The following ARNT variants were observed in gnomAD, a reference collection of about 807,000 sequenced individuals.
ARNT encodes the protein aryl hydrocarbon receptor nuclear translocator.
A neutral mutation model predicts 105.0 loss-of-function variants in ARNT; 30 were observed. The observed-to-expected ratio is 0.29, with a 90% CI of 0.21 to 0.39. The LOEUF is 0.39. ARNT is among the 10% of genes least tolerant of loss of function. The pLI is 1.00. For missense variants in ARNT, 748 were observed against 978.7 expected (o/e 0.76, Z 3.15); for synonymous variants, 304 against 344.0 (o/e 0.88, Z 1.29).
intron 3 of ARNT, among the ~76,000 whole-genome samples, chr1:150,847,747 G>C (rs587632900): frequency 1.3e-5 from 2 of 152,272 alleles, no homozygotes; most frequent in Non-Finnish European, 2.9e-5. Context: ...CAATAAAGCT[G>C]TTTGAAAAAG....
chr1:150,854,515 T>C (rs145720857), intron 2 of ARNT, among the ~76,000 whole-genome samples: 3,841 of 151,964 alleles, frequency 0.025, 71 homozygotes, highest in Non-Finnish European at 0.039. Flanking sequence ...TGAGCTGAGA[T>C]TGGGCCACTG....
intron 1 of ARNT, among the ~76,000 whole-genome samples, chr1:150,865,985 T>G (rs915630753): frequency 2.0e-5 from 3 of 151,280 alleles, no homozygotes; most frequent in East Asian, 3.9e-4. Flanking sequence ...CTCCAAAGTT[T>G]TTTTTTTTTT....
In ARNT at chr1:150,858,607, C is replaced by T. The variant is rs1055395465; in HGVS notation, c.26-147G>A. On this transcript the variant is annotated intron_variant, in intron 1 of 21. Transcript: ENST00000358595. ...ATCCCAAATGCTCATATCCAGATTG[C>T]TCTTCTTGATTTTTTTTTTTTTTTT... The T allele has an allele frequency of 4.2e-5, 26 of 618,474 alleles. No homozygotes were observed. In the Admixed American group the frequency reaches 5.2e-4, roughly 12 times the overall value. 38.3% of individuals were successfully genotyped at this position (618,474 alleles called of 1,614,324 possible).
At position 150,809,930 on chromosome 1, in the gene ARNT, G is replaced by A. The variant is rs1654428380; in HGVS notation, c.*2091C>T. ...AAGTGAGGGGGGAGGCGTGCAATGT[G>A]ATCAGAACCCTATGATTTCTGATTC... On this transcript the variant is annotated 3_prime_UTR_variant, in exon 22 of 22. Transcript: ENST00000358595. The A allele has an allele frequency of 4.4e-6, 1 of 224,840 alleles. No homozygotes were observed. The highest frequency in any genetic ancestry group is 2.2e-5 in the African/African-American group (1 of 44,924). The allele number at this position is 224,840 out of a possible 1,614,324, so 13.9% of individuals were successfully genotyped here.
intron 3 of ARNT, among the ~76,000 whole-genome samples, chr1:150,846,712 T>G (rs1251559300): frequency 6.6e-6 from 1 of 152,154 alleles, no homozygotes; most frequent in Admixed American, 6.5e-5. Context: ...GCAACAGATA[T>G]CTAGAACTTT....
chr1:150,872,113 T>C (rs1343212504), intron 1 of ARNT, among the ~76,000 whole-genome samples: 1 of 151,912 alleles, frequency 6.6e-6, no homozygotes, highest in Non-Finnish European at 1.5e-5. Flanking sequence ...TGCACCACAG[T>C]GCCCGGAAAA....
chr1:150,856,157 T>C (rs1664564507), intron 2 of ARNT, among the ~76,000 whole-genome samples: 1 of 152,230 alleles, frequency 6.6e-6, no homozygotes, highest in Admixed American at 6.5e-5. Flanking sequence ...AAAAGAAATA[T>C]GGGCCGGGTG....
rs769156132 is a variant in ARNT at position 150,818,009 on chromosome 1, C to T, written c.1416G>A (p.Arg472=). The T allele has an allele frequency of 2.5e-5, 40 of 1,609,970 alleles. No individual in the cohort carries two copies. The highest frequency in any genetic ancestry group is 3.1e-5 in the Non-Finnish European group (36 of 1,179,166). ...TNVKNSSQEP[R]PTLSNTIQRP... ...TCTGGATTGTGTTGGAGAGTGTAGGCCGTGGTTCTTGGCTAGAGTTCCTAG... is the reference window on the plus strand; with the variant it reads ...TCTGGATTGTGTTGGAGAGTGTAGGTCGTGGTTCTTGGCTAGAGTTCCTAG... The change falls in exon 15 of 22, where the codon CGG becomes CGA. Residue 472 remains arginine, a synonymous_variant. Transcript: ENST00000358595.
chr1:150,825,699 A>G (rs1225217830), intron 13 of ARNT, among the ~76,000 whole-genome samples: 1 of 152,028 alleles, frequency 6.6e-6, no homozygotes, highest in Non-Finnish European at 1.5e-5. Flanking sequence ...AAATACAAAA[A>G]TTAGCTGGGC....
In ARNT at chr1:150,817,437, T is replaced by C. The variant is rs200765529; in HGVS notation, c.1506-4A>G. ...TTCTGTTTGCTGTTGCTGCTGCCTA[T>C]ATGTCAAAGGCCAGTTGACAAGACA... On this transcript the variant is annotated splice_region_variant and splice_polypyrimidine_tract_variant and intron_variant, in intron 15 of 21. Coordinates refer to ENST00000358595, the MANE Select transcript of ARNT (RefSeq NM_001668.4). The C allele has an allele frequency of 6.4e-5, 104 of 1,614,064 alleles. No individual in the cohort carries two copies. The Admixed American group carries it at 1.7e-3, about 27-fold the overall frequency.
intron 3 of ARNT, among the ~76,000 whole-genome samples, chr1:150,849,825 G>T (rs1662981706): frequency 6.6e-6 from 1 of 152,158 alleles, no homozygotes; most frequent in African/African-American, 2.4e-5. Context: ...AGCCCTTTGG[G>T]AAGCTGAGGC....
chr1:150,852,296 A>C (rs1571408099), intron 3 of ARNT, among the ~76,000 whole-genome samples: 1 of 152,164 alleles, frequency 6.6e-6, no homozygotes, highest in Non-Finnish European at 1.5e-5. Flanking sequence ...GCACACTGGG[A>C]TTTGTGCTGT....
At chr1:150,824,289 G>C (rs1013621928) in intron 13 of ARNT, among the ~76,000 whole-genome samples, 2 of 151,744 alleles carry the variant, frequency 1.3e-5, no homozygotes, top group Admixed American at 6.6e-5. Context: ...GGAAGGAAAA[G>C]ACTGTTTCCC....
chr1:150,812,199 TCCCTGAC>T (rs1654872463), intron 21 of ARNT, 89 bp from the exon 22 acceptor site: 2 of 939,164 alleles, frequency 2.1e-6, no homozygotes, highest in South Asian at 5.5e-5. Context: ...TGCACTACCA[TCCCTGAC>T]CCCGAGTCTT....
In ARNT at chr1:150,826,530, G is replaced by A. The variant is rs1451402933; in HGVS notation, c.1242+13C>T. 2 of 1,603,986 alleles carry A rather than the reference G, an allele frequency of 1.2e-6. No homozygotes were observed. The highest frequency in any genetic ancestry group is 8.5e-7 in the Non-Finnish European group (1 of 1,172,110). On this transcript the variant is annotated intron_variant, in intron 13 of 21. Coordinates refer to ENST00000358595, the MANE Select transcript of ARNT (RefSeq NM_001668.4). ...CAAATATTTATTCAGAACCAAACCA[G>A]GAAAAAAGTTACCTGTTGGAAGCTG...
rs1655311896 is a variant in ARNT at position 150,814,064 on chromosome 1, G to A, written c.2113+13C>T. The stretch of plus-strand genomic sequence containing the variant: ...GCGATTTTCCTGTTACTCTCCTTAT[G>A]GTCTGGACTCACCAAAGTTAGATCC... On this transcript the variant is annotated intron_variant, in intron 20 of 21. Transcript: ENST00000358595. 1.2e-6 allele frequency: 2 copies of A among 1,613,742 alleles called. No homozygotes were observed. The highest frequency in any genetic ancestry group is 1.7e-6 in the Non-Finnish European group (2 of 1,179,898).
intron 14 of ARNT, chr1:150,818,353 A>G (rs7518546): frequency 0.99 from 197,579 of 199,770 alleles, 97,746 homozygotes; most frequent in East Asian, 1. Context: ...ATGAAAGTAC[A>G]TACACTGTAC....
chr1:150,818,239 G>C (rs1008065889), intron 14 of ARNT: 4 of 469,608 alleles, frequency 8.5e-6, no homozygotes, highest in Non-Finnish European at 1.5e-5. Context: ...TGACACAGGG[G>C]TCATCTTGTT....
rs754574747 is a variant in ARNT at position 150,817,071 on chromosome 1, A to G, written c.1699+11T>C. The G allele has an allele frequency of 1.2e-6, 2 of 1,614,066 alleles. No homozygotes were observed. The highest frequency in any genetic ancestry group is 2.2e-5 in the South Asian group (2 of 91,064). The stretch of plus-strand genomic sequence containing the variant: ...ATGAGAATTTAAAAGGATAATGAGA[A>G]AGAAACATACCCGCATTGATGTTGT... On this transcript the variant is annotated intron_variant, in intron 17 of 21. Transcript: ENST00000358595.
Sources: gnomAD v4.1 joint callset for allele counts (sites outside exome capture counted in the v4.1 genomes callset) on GRCh38, gnomAD v4.1.1 for gene constraint, MANE v1.5 for transcripts, NCBI Gene and HGNC (gene_info 2026-07-23, HGNC 2026-07-21) for gene names.